XIRP2: variants seen among roughly 807,000 people sequenced by gnomAD.
The protein encoded by XIRP2 is xin actin-binding repeat-containing protein 2.
XIRP2 carries 236 observed loss-of-function variants against 277.0 expected under a neutral mutation model. The observed-to-expected ratio is 0.85, with a 90% CI of 0.77 to 0.95. The LOEUF is 0.95. Among genes scored for constraint, XIRP2 ranks in the 40% least tolerant of loss-of-function variants. The probability of loss-of-function intolerance (pLI) is 0.00; values close to 1 mark genes in which losing one functional copy is unlikely to be tolerated. For synonymous variants in XIRP2, 1,490 were observed against 1,416.5 expected, an observed-to-expected ratio of 1.05 and a Z score of -1.17; for missense variants, 4,640 against 4,157.5, an observed-to-expected ratio of 1.12 and a Z score of -3.19.
In XIRP2 at chr2:166,978,840, T is replaced by A. The variant is rs560178166; in HGVS notation, c.408+74950T>A. Among the ~76,000 whole-genome samples, 1,145 of 152,174 alleles carry A rather than the reference T, an allele frequency of 7.5e-3. 17 individuals are homozygous for A. Among genetic ancestry groups the A allele is most frequent in the African/African-American group, 0.026 (1,090 of 41,530 alleles). ...TACAAAAAATTAAAAACTAGCCAAGTGTGTTGGCAAACACCTGTAGTCCCA... is the reference window on the plus strand; with the variant it reads ...TACAAAAAATTAAAAACTAGCCAAGAGTGTTGGCAAACACCTGTAGTCCCA... On this transcript the variant is annotated intron_variant, in intron 2 of 10. Transcript: ENST00000409195.
Position 167,249,020 on chromosome 2 carries a change from C to G in XIRP2, c.7628C>G (p.Pro2543Arg). The G allele has an allele frequency of 6.2e-7, 1 of 1,611,526 alleles. No individual in the cohort carries two copies. The highest frequency in any genetic ancestry group is 1.1e-5 in the South Asian group (1 of 90,544). ...PKPYMRKFKTPLMIAEEKYRQ... is the reference protein window; with the variant it reads ...PKPYMRKFKTRLMIAEEKYRQ... The stretch of plus-strand genomic sequence containing the variant: ...CCTTATATGAGAAAATTTAAGACAC[C>G]TTTAATGATTGCTGAAGAAAAATAT... The change falls in exon 9 of 11, where the codon CCT becomes CGT. Residue 2543 changes from proline (P) to arginine (R), a missense_variant. By Grantham distance (103) the Pro-to-Arg change is moderately radical. Transcript: ENST00000409195.
chr2:167,244,875 T>A lies in XIRP2; in HGVS notation c.3483T>A (p.Asp1161Glu), dbSNP rs1268980333. Residue 1161 changes from aspartate to glutamate, a missense_variant, in exon 9 of 11, where the codon GAT becomes GAA. Asp to Glu is a conservative substitution (Grantham distance 45, BLOSUM62 2). Transcript: ENST00000409195. ...AACAGGAGGAGATCCAAGGTGGGGATGTTCGTACAGCATGTTTTCTTTTTG... is the reference window on the plus strand; with the variant it reads ...AACAGGAGGAGATCCAAGGTGGGGAAGTTCGTACAGCATGTTTTCTTTTTG... ...TVKQEEIQGG[D>E]VRTACFLFET... is the part of the protein sequence containing the mutation. 6.2e-7 allele frequency: 1 copy of A among 1,613,682 alleles called. No homozygotes were observed. The highest frequency in any genetic ancestry group is 8.5e-7 in the Non-Finnish European group (1 of 1,179,770).
At chr2:167,081,981 A>T (rs545207412) in intron 2 of XIRP2, among the ~76,000 whole-genome samples, 10 of 150,570 alleles carry the variant, frequency 6.6e-5, no homozygotes, top group Non-Finnish European at 1.3e-4. Flanking sequence ...GTTTTAGGGT[A>T]CATGTGCACA....
chr2:167,062,812 A>C (rs957906956), intron 2 of XIRP2, among the ~76,000 whole-genome samples: 5 of 151,990 alleles, frequency 3.3e-5, no homozygotes, highest in African/African-American at 1.2e-4. Flanking sequence ...ATGATATTCA[A>C]AATTGGTCTT....
At chr2:167,126,581 C>T (rs907235652) in intron 2 of XIRP2, among the ~76,000 whole-genome samples, 1 of 152,092 alleles carries the variant, frequency 6.6e-6, no homozygotes, top group African/African-American at 2.4e-5. Context: ...TATGAGGTAG[C>T]CAAAGTAACT....
At position 167,248,736 on chromosome 2, in the gene XIRP2, CT is replaced by C; in HGVS notation, c.7345del (p.Ser2449ProfsTer18). The C allele has an allele frequency of 6.2e-7, 1 of 1,613,714 alleles. No homozygotes were observed. The highest frequency in any genetic ancestry group is 8.5e-7 in the Non-Finnish European group (1 of 1,179,808). On this transcript the variant is annotated frameshift_variant, in exon 9 of 11. Transcript: ENST00000409195. LOFTEE classifies it high-confidence loss of function. ...DFSPKVELAT[S>X]LSDMECKITT... ...TTTCCCCCAAAGTTGAACTGGCAAC[CT>C]CCCTGTCAGATATGGAATGTAAAAT...
At chr2:167,052,837 G>GA (rs2105537735) in intron 2 of XIRP2, among the ~76,000 whole-genome samples, 2 of 152,272 alleles carry the variant, frequency 1.3e-5, no homozygotes, top group South Asian at 4.1e-4. Flanking sequence ...TACCAGCCAT[G>GA]AAAAAGTATT....
intron 2 of XIRP2, among the ~76,000 whole-genome samples, chr2:166,907,468 G>C (rs934981671): frequency 6.6e-6 from 1 of 152,128 alleles, no homozygotes; most frequent in Non-Finnish European, 1.5e-5. Flanking sequence ...ATCTGATCTT[G>C]TCTGATGTCA....
At position 167,078,837 on chromosome 2, in the gene XIRP2, CAAAAAAAA is replaced by C. The variant is rs71031277; in HGVS notation, c.409-57062_409-57055del. On this transcript the variant is annotated intron_variant, in intron 2 of 10. Transcript: ENST00000409195. Reference sequence around the variant, plus strand: ...TGAGCGACACAGTGAGACTCCGTCTCAAAAAAAAAAAAAAAAAGGAATGGCAAAAATCA... The same window carrying C: ...TGAGCGACACAGTGAGACTCCGTCTCAAAAAAAAAGGAATGGCAAAAATCA... Among the ~76,000 whole-genome samples, 4 of 127,226 alleles carry C rather than the reference CAAAAAAAA, an allele frequency of 3.1e-5. No homozygotes were observed. In the South Asian group the frequency reaches 1.0e-3, roughly 32 times the overall value. The allele number at this position is 127,226 out of a possible 152,430, so 83.5% of individuals were successfully genotyped here. A position where few individuals can be genotyped will look rare whatever the true frequency, so the allele number is the denominator to read the frequency against.
intron 2 of XIRP2, among the ~76,000 whole-genome samples, chr2:167,017,928 G>A (rs79372436): frequency 0.036 from 5,394 of 151,928 alleles, 123 homozygotes; most frequent in East Asian, 0.078. Context: ...TTTTTACTGC[G>A]CACTTGGACA....
chr2:166,904,480 G>A (rs994433952), intron 2 of XIRP2, among the ~76,000 whole-genome samples: 1 of 152,234 alleles, frequency 6.6e-6, no homozygotes, highest in African/African-American at 2.4e-5. Flanking sequence ...TTTTGTGGTA[G>A]GTGATGATCA....
chr2:167,257,945 G>T lies in XIRP2; in HGVS notation c.*128G>T, dbSNP rs759247920. ...CAAATCCAAAGGAAATTATGATGAA[G>T]GTTTTGGACATAAGCAGCATAAAGA... On this transcript the variant is annotated 3_prime_UTR_variant, in exon 11 of 11. Transcript: ENST00000409195. 3 of 1,612,794 alleles carry T rather than the reference G, an allele frequency of 1.9e-6. No individual in the cohort carries two copies. In the Admixed American group the frequency reaches 5.0e-5, roughly 27 times the overall value.
chr2:166,942,102 G>A (rs1226137829), intron 2 of XIRP2, among the ~76,000 whole-genome samples: 1 of 152,126 alleles, frequency 6.6e-6, no homozygotes, highest in East Asian at 1.9e-4. Context: ...ATCTATGTCA[G>A]TACATGAAGT....
intron 2 of XIRP2, among the ~76,000 whole-genome samples, chr2:166,947,110 A>G (rs948745006): frequency 1.3e-5 from 2 of 152,212 alleles, no homozygotes; most frequent in East Asian, 3.9e-4. Context: ...AGATATAAAT[A>G]AAAGTTTGAA....
chr2:167,089,228 A>G (rs966140379), intron 2 of XIRP2, among the ~76,000 whole-genome samples: 2 of 152,172 alleles, frequency 1.3e-5, no homozygotes, highest in South Asian at 2.1e-4. Context: ...CTATTAGGGT[A>G]TCACTTTTCC....
chr2:167,179,908 A>G (rs1380846147), intron 3 of XIRP2, among the ~76,000 whole-genome samples: 1 of 152,196 alleles, frequency 6.6e-6, no homozygotes, highest in African/African-American at 2.4e-5. Flanking sequence ...CCACACACCC[A>G]AAGTACTGGA....
chr2:167,127,010 A>C (rs1691225142), intron 2 of XIRP2, among the ~76,000 whole-genome samples: 1 of 152,144 alleles, frequency 6.6e-6, no homozygotes, highest in African/African-American at 2.4e-5. Context: ...TTACATTGCC[A>C]TCTCTTTCTC....
At chr2:167,034,631 AG>A (rs1158659645) in intron 2 of XIRP2, among the ~76,000 whole-genome samples, 1 of 152,222 alleles carries the variant, frequency 6.6e-6, no homozygotes, top group Non-Finnish European at 1.5e-5. Flanking sequence ...AATAAAGAGC[AG>A]GAGCAGCTAT....
intron 2 of XIRP2, among the ~76,000 whole-genome samples, chr2:166,963,561 A>G (rs1213654715): frequency 1.3e-5 from 2 of 151,886 alleles, no homozygotes; most frequent in East Asian, 3.9e-4. Flanking sequence ...CTAAGAAAAG[A>G]TATTTGAGCA....
Sources: gnomAD v4.1 joint callset for allele counts (sites outside exome capture counted in the v4.1 genomes callset) on GRCh38, gnomAD v4.1.1 for gene constraint, MANE v1.5 for transcripts, NCBI Gene and HGNC (gene_info 2026-07-23, HGNC 2026-07-21) for gene names.